KMT2E: variants seen among roughly 807,000 people sequenced by gnomAD.
The protein encoded by KMT2E is histone reader KMT2E.
KMT2E carries 30 observed loss-of-function variants against 184.6 expected under a neutral mutation model. That is an observed-to-expected ratio of 0.16 (90% CI 0.12 to 0.22). KMT2E has a LOEUF of 0.22. Among genes scored for constraint, KMT2E ranks in the 10% least tolerant of loss-of-function variants. KMT2E has a pLI of 1.00. For missense variants in KMT2E, 2,023 were observed against 2,237.4 expected (o/e 0.90, Z 1.93); for synonymous variants, 815 against 776.5 (o/e 1.05, Z -0.82).
chr7:105,063,472 C>T lies in KMT2E; in HGVS notation c.308C>T (p.Ala103Val), dbSNP rs1415743759. Residue 103 changes from alanine to valine, a missense_variant, in exon 5 of 27, where the codon GCT becomes GTT. Ala to Val is a moderately conservative substitution (Grantham distance 64, BLOSUM62 0). Around this residue, in one of 8 missense-constraint regions of KMT2E, gnomAD observed 48 missense variants for 51.5 expected, o/e 0.93. Transcript: ENST00000311117. The stretch of plus-strand genomic sequence containing the variant: ...CCTAATTTTGATGAAACTTCCAGTG[C>T]TACTACAATCAGCACATCTGAGGAT... ...TTPNFDETSSATTISTSEDGS... is the reference protein window; with the variant it reads ...TTPNFDETSSVTTISTSEDGS... 6.2e-7 allele frequency: 1 copy of T among 1,613,614 alleles called. No homozygotes were observed.
chr7:105,026,403 CT>C (rs1234002104), intron 1 of KMT2E, among the ~76,000 whole-genome samples: 1 of 152,054 alleles, frequency 6.6e-6, no homozygotes, highest in East Asian at 1.9e-4. Flanking sequence ...TTTTAGGGAC[CT>C]TTTGAACTCT....
At chr7:105,090,385 C>A in intron 14 of KMT2E, 112 bp downstream of exon 14, 1 of 1,221,432 alleles carries the variant, frequency 8.2e-7, no homozygotes, top group Non-Finnish European at 1.1e-6. Flanking sequence ...TAAGTCCATT[C>A]TGTCATTTAA....
chr7:105,107,102 T>G (rs1032328090), intron 20 of KMT2E, 64 bp from the exon 21 acceptor site: 6 of 887,698 alleles, frequency 6.8e-6, no homozygotes, highest in Non-Finnish European at 1.0e-5. Context: ...TTCATTTCTA[T>G]AATTATTATG....
rs901295616 is a variant in KMT2E, at chr7:105,107,493, G to A, written c.3036G>A (p.Gln1012=). ...SPRSRTEVNR[Q]CPGEKEPVSD... is the part of the protein sequence containing the mutation. ...GGAGTAGGACTGAAGTCAACAGGCAGTGTCCTGGAGAAAAGGAACCTGTGT... is the reference window on the plus strand; with the variant it reads ...GGAGTAGGACTGAAGTCAACAGGCAATGTCCTGGAGAAAAGGAACCTGTGT... The change falls in exon 22 of 27, where the codon CAG becomes CAA. Residue 1012 remains glutamine, a synonymous_variant. Coordinates refer to ENST00000311117, the MANE Select transcript of KMT2E (RefSeq NM_182931.3). 3 of 1,614,192 alleles carry A rather than the reference G, an allele frequency of 1.9e-6. No homozygotes were observed. The highest frequency in any genetic ancestry group is 4.5e-5 in the East Asian group (2 of 44,888).
In KMT2E at chr7:105,110,797, A is replaced by G. The variant is rs1178347419; in HGVS notation, c.3997A>G (p.Thr1333Ala). The G allele has an allele frequency of 6.2e-7, 1 of 1,614,020 alleles. No individual in the cohort carries two copies. The highest frequency in any genetic ancestry group is 8.5e-7 in the Non-Finnish European group (1 of 1,179,866). ...EDPDPENPEP[T>A]TTNECPSPDT... ...CCCTGATCCTGAAAATCCAGAACCC[A>G]CAACTACGAATGAATGTCCATCCCC... The change falls in exon 26 of 27, where the codon ACA becomes GCA. Residue 1333 changes from threonine (T) to alanine (A), a missense_variant. By Grantham distance (58) the Thr-to-Ala change is moderately conservative (BLOSUM62 0). Transcript: ENST00000311117.
At chr7:105,098,936 C>G (rs1019228540) in intron 15 of KMT2E, among the ~76,000 whole-genome samples, 13 of 152,256 alleles carry the variant, frequency 8.5e-5, no homozygotes, top group African/African-American at 2.9e-4. Flanking sequence ...CCTAATTTCT[C>G]TATCTCCAGA....
At chr7:105,039,053 A>G (rs1795780200) in intron 2 of KMT2E, 1 of 152,172 alleles carries the variant, frequency 6.6e-6, no homozygotes, top group Non-Finnish European at 1.5e-5. Flanking sequence ...AGTCGTTTTT[A>G]ATGACACTTG....
intron 23 of KMT2E, among the ~76,000 whole-genome samples, chr7:105,109,998 T>C (rs1456791638): frequency 6.6e-6 from 1 of 150,982 alleles, no homozygotes; most frequent in Non-Finnish European, 1.5e-5. Flanking sequence ...GCCTGGCTAA[T>C]TTTTTTTTGT....
chr7:105,085,535 C>T (rs908481484), intron 13 of KMT2E, among the ~76,000 whole-genome samples: 61 of 144,510 alleles, frequency 4.2e-4, no homozygotes, highest in African/African-American at 1.5e-3. Context: ...GCAACAATAG[C>T]AAAACATCTC....
At chr7:105,073,875 T>G (rs1008556613) in intron 7 of KMT2E, among the ~76,000 whole-genome samples, 198 bp downstream of exon 7, 1 of 152,166 alleles carries the variant, frequency 6.6e-6, no homozygotes, top group Non-Finnish European at 1.5e-5. Context: ...AATAAATATG[T>G]ACTTTGGGAA....
At chr7:105,080,883 G>A (rs530966975) in intron 12 of KMT2E, among the ~76,000 whole-genome samples, 3 of 152,150 alleles carry the variant, frequency 2.0e-5, no homozygotes, top group Non-Finnish European at 2.9e-5. Flanking sequence ...CGCACCTGTA[G>A]TCCCAGCTAC....
intron 17 of KMT2E, chr7:105,102,432 G>T: frequency 3.0e-6 from 1 of 332,660 alleles, no homozygotes; most frequent in Non-Finnish European, 5.4e-6. Flanking sequence ...TGCAATTCAT[G>T]ATTTCTTTAA....
intron 3 of KMT2E, among the ~76,000 whole-genome samples, chr7:105,055,362 A>G (rs1207739706): frequency 2.6e-5 from 4 of 151,436 alleles, no homozygotes; most frequent in South Asian, 2.1e-4. Flanking sequence ...CCCTCTGTAT[A>G]GTTTTTCAGG....
intron 18 of KMT2E, 69 bp downstream of exon 18, chr7:105,105,762 T>C (rs961034554): frequency 2.6e-6 from 4 of 1,561,562 alleles, no homozygotes; most frequent in African/African-American, 2.7e-5. Flanking sequence ...CTACCATCCA[T>C]GGTAGTGAAA....
intron 15 of KMT2E, among the ~76,000 whole-genome samples, chr7:105,100,379 A>C (rs1009799023): frequency 6.6e-6 from 1 of 152,164 alleles, no homozygotes; most frequent in Non-Finnish European, 1.5e-5. Context: ...TATTGAGAAG[A>C]CTGTGGCATC....
chr7:105,081,651 G>A (rs765791691), intron 12 of KMT2E, 37 bp from the exon 13 acceptor site: 1 of 993,582 alleles, frequency 1.0e-6, no homozygotes, highest in South Asian at 1.4e-5. Context: ...AAGGCAGAAA[G>A]TAATTTATGG....
intron 5 of KMT2E, 42 bp from the exon 6 acceptor site, chr7:105,066,685 A>G: frequency 7.1e-7 from 1 of 1,417,544 alleles, no homozygotes; most frequent in Admixed American, 1.7e-5. Flanking sequence ...TTTAAGGATG[A>G]CTTAAATAAT....
chr7:105,070,571 T>G (rs972293743), intron 6 of KMT2E, among the ~76,000 whole-genome samples: 18 of 142,718 alleles, frequency 1.3e-4, no homozygotes, highest in African/African-American at 4.0e-4. Flanking sequence ...GAGGCAGAGG[T>G]TGCAGTGAGC....
chr7:105,080,132 C>T (rs1797701934), intron 12 of KMT2E, among the ~76,000 whole-genome samples: 1 of 152,130 alleles, frequency 6.6e-6, no homozygotes, highest in African/African-American at 2.4e-5. Context: ...CAGGCATGAG[C>T]CACCAGGTCC....
Sources: allele counts gnomAD v4.1 joint callset (sites outside exome capture counted in the v4.1 genomes callset), GRCh38; gene constraint gnomAD v4.1.1; regional missense constraint gnomAD v4.1.1; transcripts MANE v1.5; gene names NCBI Gene and HGNC (gene_info 2026-07-23, HGNC 2026-07-21).